The following MKI67 variants were observed in gnomAD, a reference collection of about 807,000 sequenced individuals.
MKI67 encodes the protein proliferation marker protein Ki-67.
MKI67 carries 152 observed loss-of-function variants against 233.5 expected under a neutral mutation model. The observed-to-expected ratio is 0.65, with a 90% CI of 0.57 to 0.74. The LOEUF (loss-of-function observed/expected upper bound fraction) is 0.74. MKI67 is among the 30% of genes least tolerant of loss of function. The pLI is 0.00. For synonymous variants in MKI67, 1,465 were observed against 1,418.5 expected (o/e 1.03, Z -0.74); for missense variants, 3,940 against 3,885.2 (o/e 1.01, Z -0.37).
At chr10:128,110,297 A>G (rs1030461546) in intron 12 of MKI67, 81 bp downstream of exon 12, 2 of 1,125,108 alleles carry the variant, frequency 1.8e-6, no homozygotes, top group East Asian at 5.1e-5. Context: ...TTAGAGAAGT[A>G]ATATCATACT....
chr10:128,103,722 G>T lies in MKI67; in HGVS notation c.8118C>A (p.Cys2706Ter). 6.2e-7 allele frequency: 1 copy of T among 1,614,064 alleles called. No homozygotes were observed. The highest frequency in any genetic ancestry group is 8.5e-7 in the Non-Finnish European group (1 of 1,180,024). ...LTAGKATKIP[C>*]ESPPLEVVDT... Reference sequence around the variant, plus strand: ...CTACCACTTCTAGTGGGGGAGATTCGCAGGGTATTTTAGTGGCTTTGCCAG... The same window carrying T: ...CTACCACTTCTAGTGGGGGAGATTCTCAGGGTATTTTAGTGGCTTTGCCAG... Residue 2706 changes from cysteine (C) to a stop codon, truncating the protein, a stop_gained, in exon 13 of 15, where the codon TGC becomes TGA. Coordinates refer to ENST00000368654, the MANE Select transcript of MKI67 (RefSeq NM_002417.5). LOFTEE classifies it high-confidence loss of function.
chr10:128,099,686 T>C (rs1346179990), intron 14 of MKI67, among the ~76,000 whole-genome samples: 3 of 152,214 alleles, frequency 2.0e-5, no homozygotes, highest in Non-Finnish European at 4.4e-5. Context: ...TGCCTTGGCC[T>C]TTACTCTTGC....
rs528623735 is a variant in MKI67 at position 128,112,012 on chromosome 10, C to A, written c.2003G>T (p.Gly668Val). 5.6e-6 allele frequency: 9 copies of A among 1,613,294 alleles called. No individual in the cohort carries two copies. The highest frequency in any genetic ancestry group is 7.6e-6 in the Non-Finnish European group (9 of 1,179,850). The stretch of plus-strand genomic sequence containing the variant: ...GACTTTAGTTTGTGTTTGTTTTGCA[C>A]CAAGTTTTACTACATCTGCCCATGA... ...AKSWADVVKL[G>V]AKQTQTKVIK... Residue 668 changes from glycine to valine, a missense_variant, in exon 10 of 15, where the codon GGT (glycine) becomes GTT (valine). Transcript: ENST00000368654.
chr10:128,110,169 A>T (rs1304467267), intron 12 of MKI67, among the ~76,000 whole-genome samples: 2 of 152,200 alleles, frequency 1.3e-5, no homozygotes, highest in Non-Finnish European at 2.9e-5. Context: ...ACATTAACGG[A>T]GTCTTTCTTT....
intron 7 of MKI67, 123 bp from the exon 8 acceptor site, chr10:128,113,725 A>C: frequency 2.4e-6 from 2 of 819,444 alleles, no homozygotes; most frequent in Non-Finnish European, 3.9e-6. Flanking sequence ...TACCTACAGC[A>C]CGCCTCTATT....
rs778261401 is a variant in MKI67, at chr10:128,115,641, T to G, written c.767A>C (p.Asn256Thr). ...KELDVKSQKE[N>T]VLQYCRKSGL... is the part of the protein sequence containing the mutation. ...AGATTTTCTACAATACTGTAGGACA[T>G]TTTCTTTTTGTGATTTTACATCCAA... The change falls in exon 7 of 15, where the codon AAT (asparagine) becomes ACT (threonine). Residue 256 changes from asparagine to threonine, a missense_variant. Coordinates refer to ENST00000368654, the MANE Select transcript of MKI67 (RefSeq NM_002417.5). The G allele has an allele frequency of 6.2e-7, 1 of 1,613,708 alleles. No individual in the cohort carries two copies. The highest frequency in any genetic ancestry group is 8.5e-7 in the Non-Finnish European group (1 of 1,179,952).
In MKI67 at chr10:128,108,166, G is replaced by A. The variant is rs1267746504; in HGVS notation, c.3674C>T (p.Ala1225Val). 6 of 1,613,890 alleles carry A rather than the reference G, an allele frequency of 3.7e-6. No homozygotes were observed. In the Admixed American group the frequency reaches 1.0e-4, roughly 27 times the overall value. The stretch of plus-strand genomic sequence containing the variant: ...AGTCTGGAAGAGCTCTTTAAAGCCA[G>A]CCAGGTCTTCTAGAGCCTGGGCCTT... ...KEKAQALEDL[A>V]GFKELFQTPG... Residue 1225 changes from alanine (A) to valine (V), a missense_variant, in exon 13 of 15, where the codon GCT (alanine) becomes GTT (valine). Coordinates refer to ENST00000368654, the MANE Select transcript of MKI67 (RefSeq NM_002417.5).
In MKI67 at chr10:128,115,067, CAG is replaced by C; in HGVS notation, c.1339_1340del (p.Leu447ValfsTer6). On this transcript the variant is annotated frameshift_variant, in exon 7 of 15. Coordinates refer to ENST00000368654, the MANE Select transcript of MKI67 (RefSeq NM_002417.5). LOFTEE classifies it high-confidence loss of function. ...TCTTCCTCTCAACTTGAGTGAGCCA[CAG>C]AGTTAAAAATGGCTCATTGTGAATT... Reference protein sequence around the residue: ...TEIHNEPFLTLWLTQVERKIQ... With the variant: ...TEIHNEPFLTXWLTQVERKIQ... 1 of 1,613,676 alleles carries C rather than the reference CAG, an allele frequency of 6.2e-7. No individual in the cohort carries two copies. Among genetic ancestry groups the C allele is most frequent in the Non-Finnish European group, 8.5e-7 (1 of 1,179,574 alleles).
Position 128,112,164 on chromosome 10 carries a change from T to A in MKI67, c.1938A>T (p.Arg646Ser), listed in dbSNP as rs536529095. ...HDILQMICSK[R>S]RSGASEANLI... is the part of the protein sequence containing the mutation. The stretch of plus-strand genomic sequence containing the variant: ...GATTTGCTTCCGAAGCACCACTTCT[T>A]CTTTTGGAACATATCATCTGTAAAA... The change falls in exon 9 of 15, where the codon AGA becomes AGT. Residue 646 changes from arginine to serine, a missense_variant. Transcript: ENST00000368654. 1.9e-6 allele frequency: 3 copies of A among 1,614,052 alleles called. No individual in the cohort carries two copies. Among genetic ancestry groups the A allele is most frequent in the Admixed American group, 3.3e-5 (2 of 60,028 alleles).
rs201650569 is a variant in MKI67, at chr10:128,115,597, C to T, written c.811G>A (p.Ala271Thr). The change falls in exon 7 of 15, where the codon GCA becomes ACA. Residue 271 changes from alanine (A) to threonine (T), a missense_variant. Transcript: ENST00000368654. Reference sequence around the variant, plus strand: ...CCATCAGCACTTTCTTTCTCTGTTGCGTAATCAGTTTGTAATCCAGATTTT... The same window carrying T: ...CCATCAGCACTTTCTTTCTCTGTTGTGTAATCAGTTTGTAATCCAGATTTT... ...CRKSGLQTDY[A>T]TEKESADGLQ... 6.3e-5 allele frequency: 102 copies of T among 1,614,034 alleles called. No homozygotes were observed. Among genetic ancestry groups the T allele is most frequent in the East Asian group, 4.0e-4 (18 of 44,894 alleles).
At chr10:128,122,705 CAATT>C (rs910577168) in intron 4 of MKI67, among the ~76,000 whole-genome samples, 172 bp downstream of exon 4, 2 of 152,148 alleles carry the variant, frequency 1.3e-5, no homozygotes, top group African/African-American at 4.8e-5. Context: ...CATTTTGTCC[CAATT>C]AGTCATCTTC....
chr10:128,115,906 C>A lies in MKI67; in HGVS notation c.502G>T (p.Ala168Ser), dbSNP rs780544187. 1 of 1,610,542 alleles carries A rather than the reference C, an allele frequency of 6.2e-7. No homozygotes were observed. Among genetic ancestry groups the A allele is most frequent in the Non-Finnish European group, 8.5e-7 (1 of 1,180,012 alleles). Residue 168 changes from alanine (A) to serine (S), a missense_variant, in exon 7 of 15, where the codon GCA becomes TCA. By Grantham distance (99) the Ala-to-Ser change is moderately conservative. Transcript: ENST00000368654. The part of the protein sequence containing the change: ...HIKNVKEDST[A>S]DDSKDSVAQG... ...GCAACACTGTCTTTTGAGTCATCTG[C>A]GGTACTGTCTTCTTTGACATTCTTG...
chr10:128,102,949 C>G lies in MKI67; in HGVS notation c.8891G>C (p.Arg2964Pro). Reference protein sequence around the residue: ...KPLKISRRVLRAPKVEPVGDV... With the variant: ...KPLKISRRVLPAPKVEPVGDV... ...TCCCACGGGTTCTACTTTAGGGGCC[C>G]GAAGAACTCTTCTGGATATTTTTAG... Residue 2964 changes from arginine to proline, a missense_variant, in exon 13 of 15, where the codon CGG becomes CCG. By Grantham distance (103) the Arg-to-Pro change is moderately radical. Coordinates refer to ENST00000368654, the MANE Select transcript of MKI67 (RefSeq NM_002417.5). 1 of 1,614,126 alleles carries G rather than the reference C, an allele frequency of 6.2e-7. No homozygotes were observed. Among genetic ancestry groups the G allele is most frequent in the Non-Finnish European group, 8.5e-7 (1 of 1,180,028 alleles).
rs759308614 is a variant in MKI67, at chr10:128,101,447, C to T, written c.9516G>A (p.Glu3172=). The change falls in exon 14 of 15, where the codon GAG becomes GAA. Residue 3172 remains glutamate, a synonymous_variant. Coordinates refer to ENST00000368654, the MANE Select transcript of MKI67 (RefSeq NM_002417.5). ...NESSQPKVAE[E]SGGQKSAKVL... is the part of the protein sequence containing the mutation. The stretch of plus-strand genomic sequence containing the variant: ...CCTTCGCACTCTTCTGCCCTCCGCT[C>T]TCCTCTGCCACCTTAGGCTGGGAGC... The T allele has an allele frequency of 1.2e-6, 2 of 1,614,104 alleles. No individual in the cohort carries two copies. The highest frequency in any genetic ancestry group is 1.1e-5 in the South Asian group (1 of 91,082).
Position 128,108,797 on chromosome 10 carries a change from T to C in MKI67, c.3043A>G (p.Ile1015Val), listed in dbSNP as rs1852596745. The C allele has an allele frequency of 1.9e-6, 3 of 1,614,098 alleles. No individual in the cohort carries two copies. Among genetic ancestry groups the C allele is most frequent in the African/African-American group, 1.3e-5 (1 of 74,942 alleles). The change falls in exon 13 of 15, where the codon ATA (isoleucine) becomes GTA (valine). Residue 1015 changes from isoleucine to valine, a missense_variant. Transcript: ENST00000368654. ...TGTTTTGTGTGTGTTGGGGTGTTTA[T>C]TGGTTCTGGTTGTAATGACTGGCAG... ...MPCQSLQPEP[I>V]NTPTHTKQQL...
chr10:128,120,363 G>A (rs1184914572), intron 4 of MKI67, among the ~76,000 whole-genome samples: 5 of 151,922 alleles, frequency 3.3e-5, no homozygotes, highest in Admixed American at 6.6e-5. Flanking sequence ...GTTGTGGCGC[G>A]TGCCTGTAAT....
chr10:128,099,243 C>A lies in MKI67; in HGVS notation c.9718G>T (p.Val3240Leu). 6.2e-7 allele frequency: 1 copy of A among 1,613,282 alleles called. No individual in the cohort carries two copies. The highest frequency in any genetic ancestry group is 8.5e-7 in the Non-Finnish European group (1 of 1,179,634). The change falls in exon 15 of 15, where the codon GTG (valine) becomes TTG (leucine). Residue 3240 changes from valine (V) to leucine (L), a missense_variant. By Grantham distance (32) the Val-to-Leu change is conservative. Coordinates refer to ENST00000368654, the MANE Select transcript of MKI67 (RefSeq NM_002417.5). ...CTGGTTCTTATTTTCTTGACACACA[C>A]ATTGTCCTCAGCCTGTGTGGGAAGA... ...AENPKKAEDN[V>L]CVKKIRTRSH...
chr10:128,108,339 T>C lies in MKI67; in HGVS notation c.3501A>G (p.Thr1167=). ...TAAGCATGGCTTTCCCTGCTGATGG[T>C]GTTAGTTTCCTGAGTGCTAAGAATT... ...EEEFLALRKL[T]PSAGKAMLTP... is the part of the protein sequence containing the mutation. The change falls in exon 13 of 15, where the codon ACA becomes ACG. Residue 1167 remains threonine (T), a synonymous_variant. Coordinates refer to ENST00000368654, the MANE Select transcript of MKI67 (RefSeq NM_002417.5). The C allele has an allele frequency of 1.9e-6, 3 of 1,614,072 alleles. No homozygotes were observed. The highest frequency in any genetic ancestry group is 2.2e-5 in the South Asian group (2 of 91,070).
At position 128,125,781 on chromosome 10, in the gene MKI67, T is replaced by C. The variant is rs1590322356; in HGVS notation, c.-89-25A>G. 4 of 891,510 alleles carry C rather than the reference T, an allele frequency of 4.5e-6. No homozygotes were observed. The highest frequency in any genetic ancestry group is 2.5e-5 in the East Asian group (1 of 39,570). 55.2% of individuals were successfully genotyped at this position (891,510 alleles called of 1,614,324 possible). A position where few individuals can be genotyped will look rare whatever the true frequency, so the allele number is the denominator to read the frequency against. On this transcript the variant is annotated intron_variant, in intron 1 of 14. Coordinates refer to ENST00000368654, the MANE Select transcript of MKI67 (RefSeq NM_002417.5). This position sits in a 1 kb window ranked among gnomAD's most constrained non-coding sequence, Gnocchi z 5.3. ...ACTGCAAAAGAGGTGCGAGTTACTC[T>C]GATAGCAAAGGAGCTAAGAAGGGCC...
Sources: gnomAD v4.1 joint callset for allele counts (sites outside exome capture counted in the v4.1 genomes callset) on GRCh38, gnomAD v4.1.1 for gene constraint, Gnocchi (gnomAD v3.1) non-coding constraint, MANE v1.5 for transcripts, NCBI Gene and HGNC (gene_info 2026-07-23, HGNC 2026-07-21) for gene names.